ZNF487: variants seen among roughly 807,000 people sequenced by gnomAD.
ZNF487 encodes KRAB domain only 1.
Under a neutral mutation model 3.0 loss-of-function variants are expected in ZNF487, and 4 were observed. The observed-to-expected ratio is 1.35, with a 90% CI of 0.66 to 3.08. The LOEUF (loss-of-function observed/expected upper bound fraction) is 3.08, where lower values mean the gene tolerates loss of function less well. ZNF487 is among the 30% of genes most tolerant of loss of function. The probability of loss-of-function intolerance (pLI) is 0.01; values close to 1 mark genes in which losing one functional copy is unlikely to be tolerated. For missense variants in ZNF487, 146 were observed against 98.7 expected (o/e 1.48, Z -2.03); for synonymous variants, 55 against 34.6 (o/e 1.59, Z -2.06).
At chr10:43,438,696 C>T (rs1197090688) in intron 1 of ZNF487, among the ~76,000 whole-genome samples, 1 of 152,084 alleles carries the variant, frequency 6.6e-6, no homozygotes. Flanking sequence ...GCATTATTTG[C>T]AATAGTCAAA....
the ZNF487 span, among the ~76,000 whole-genome samples, chr10:43,502,697 C>T: frequency 6.6e-6 from 1 of 152,048 alleles, no homozygotes; most frequent in Non-Finnish European, 1.5e-5. Context: ...ATTTACTATA[C>T]ATTTTATCAT....
At chr10:43,468,515 A>G (rs1043102578) in intron 1 of ZNF487, among the ~76,000 whole-genome samples, 2 of 151,530 alleles carry the variant, frequency 1.3e-5, no homozygotes, top group Non-Finnish European at 1.5e-5. Flanking sequence ...CCCCGTCTCT[A>G]CTAAAAATAC....
intron 1 of ZNF487, among the ~76,000 whole-genome samples, chr10:43,443,252 C>G (rs924124271): frequency 6.6e-6 from 1 of 150,522 alleles, no homozygotes. Flanking sequence ...TTAGGAGAGA[C>G]GAGGTTTCAC....
the ZNF487 span, among the ~76,000 whole-genome samples, chr10:43,516,027 G>A: frequency 0.011 from 1,652 of 152,146 alleles, 12 homozygotes; most frequent in Middle Eastern, 0.02. Flanking sequence ...TGATCCGCCC[G>A]CCTTGGCCTC....
chr10:43,456,100 A>C (rs549421818), intron 1 of ZNF487, among the ~76,000 whole-genome samples: 1 of 152,210 alleles, frequency 6.6e-6, no homozygotes, highest in African/African-American at 2.4e-5. Flanking sequence ...TTCATAATGG[A>C]GGGCTGCGGG....
In ZNF487 at chr10:43,462,743, T is replaced by G. The variant is rs1840476364; in HGVS notation, c.-93-12978T>G. Among the ~76,000 whole-genome samples, 2 of 150,102 alleles carry G rather than the reference T, an allele frequency of 1.3e-5. 1 individual carries two copies. The highest frequency in any genetic ancestry group is 4.4e-4 in the South Asian group (2 of 4,564). ...TGCTGGGATTACAGGCATGAGCCAC[T>G]GCATCCGGCCTTTTTTTTTTCTTTC... On this transcript the variant is annotated intron_variant, in intron 1 of 3. Transcript: ENST00000437590.
the ZNF487 span, among the ~76,000 whole-genome samples, chr10:43,488,953 C>G: frequency 6.5e-3 from 922 of 142,846 alleles, 9 homozygotes; most frequent in African/African-American, 0.019. Context: ...CCTGTCTCTA[C>G]AAAAAAAAAA....
At chr10:43,496,276 T>C in the ZNF487 span, among the ~76,000 whole-genome samples, 8 of 152,310 alleles carry the variant, frequency 5.3e-5, no homozygotes, top group South Asian at 1.5e-3. Context: ...GGGCTGTAGG[T>C]ATAAGGTGAC....
chr10:43,501,328 G>A, the ZNF487 span, among the ~76,000 whole-genome samples: 4 of 152,120 alleles, frequency 2.6e-5, no homozygotes, highest in African/African-American at 4.8e-5. Flanking sequence ...GTACGTTATT[G>A]TACACTACTG....
chr10:43,461,990 T>C (rs1392189030), intron 1 of ZNF487, among the ~76,000 whole-genome samples: 1 of 152,212 alleles, frequency 6.6e-6, no homozygotes, highest in East Asian at 1.9e-4. Context: ...TTTACTTTGC[T>C]TTTTGTCTCT....
intron 1 of ZNF487, among the ~76,000 whole-genome samples, chr10:43,468,806 G>T (rs564440945): frequency 2.0e-5 from 3 of 150,892 alleles, no homozygotes; most frequent in African/African-American, 7.3e-5. Flanking sequence ...TGGCTAACGC[G>T]GTGAAACCCC....
At chr10:43,447,133 G>A (rs1013966510) in intron 1 of ZNF487, among the ~76,000 whole-genome samples, 3 of 152,142 alleles carry the variant, frequency 2.0e-5, no homozygotes, top group Non-Finnish European at 4.4e-5. Flanking sequence ...AGCCGAAATC[G>A]AGGCAGTACA....
chr10:43,486,764 A>G (rs1198627707), downstream of ZNF487, among the ~76,000 whole-genome samples: 1 of 152,216 alleles, frequency 6.6e-6, no homozygotes, highest in African/African-American at 2.4e-5. Context: ...CCTTGGTTAT[A>G]GAAAACTATT....
chr10:43,463,655 T>C (rs60274910), intron 1 of ZNF487, among the ~76,000 whole-genome samples: 5,128 of 151,098 alleles, frequency 0.034, 111 homozygotes, highest in South Asian at 0.041. Flanking sequence ...CCCCCAGAGC[T>C]CTGGGACTGT....
the ZNF487 span, among the ~76,000 whole-genome samples, chr10:43,494,569 A>ACCTCTTTATTGGCT: frequency 0.035 from 5,235 of 151,498 alleles, 120 homozygotes; most frequent in South Asian, 0.041. Flanking sequence ...TGCTTACTTC[A>ACCTCTTTATTGGCT]CCTCTTTATT....
At chr10:43,465,414 G>C (rs1436943908) in intron 1 of ZNF487, among the ~76,000 whole-genome samples, 1 of 148,472 alleles carries the variant, frequency 6.7e-6, no homozygotes, top group Non-Finnish European at 1.5e-5. Context: ...GGGCGGAGGG[G>C]CTCCTCACTT....
At chr10:43,463,757 C>T (rs1297878166) in intron 1 of ZNF487, among the ~76,000 whole-genome samples, 3 of 148,288 alleles carry the variant, frequency 2.0e-5, no homozygotes, top group African/African-American at 7.5e-5. Context: ...GTCTCTGGGT[C>T]ACATTTTGGT....
the ZNF487 span, among the ~76,000 whole-genome samples, chr10:43,521,941 A>C: frequency 2.0e-5 from 3 of 152,022 alleles, no homozygotes; most frequent in African/African-American, 7.2e-5. Context: ...GTGAGGTACA[A>C]GACTGTTTAT....
the ZNF487 span, among the ~76,000 whole-genome samples, chr10:43,489,542 C>T: frequency 6.6e-6 from 1 of 151,878 alleles, no homozygotes; most frequent in Non-Finnish European, 1.5e-5. Flanking sequence ...TTAGTAGAGA[C>T]GGGGTTTTAC....
Sources: gnomAD v4.1 joint callset for allele counts (sites outside exome capture counted in the v4.1 genomes callset) on GRCh38, gnomAD v4.1.1 for gene constraint, MANE v1.5 for transcripts, NCBI Gene and HGNC (gene_info 2026-07-23, HGNC 2026-07-21) for gene names.